The following B3GAT2 variants were observed in gnomAD, a reference collection of about 807,000 sequenced individuals.
B3GAT2 encodes the protein beta-1,3-glucuronyltransferase 2, also known as galactosylgalactosylxylosylprotein 3-beta-glucuronosyltransferase 2.
In B3GAT2, 26 loss-of-function variants were observed where a neutral mutation model predicts 27.8. The ratio of observed to expected loss-of-function variants is 0.93; its 90% confidence interval spans 0.68 to 1.30. B3GAT2 has a LOEUF of 1.30. B3GAT2 is among the 50% of genes most tolerant of loss of function. The pLI, the probability that B3GAT2 is intolerant of heterozygous loss-of-function variation, is 0.00. For synonymous variants in B3GAT2, 218 were observed against 195.1 expected (o/e 1.12, Z -0.98); for missense variants, 458 against 459.0 (o/e 1.00, Z 0.02).
intron 2 of B3GAT2, among the ~76,000 whole-genome samples, chr6:70,893,251 C>A (rs562826599): frequency 6.6e-6 from 1 of 152,132 alleles, no homozygotes; most frequent in Non-Finnish European, 1.5e-5. Flanking sequence ...GAATTCTGAA[C>A]GCGGAGATCT....
chr6:70,947,590 T>C (rs900829946), intron 1 of B3GAT2, among the ~76,000 whole-genome samples: 1 of 151,538 alleles, frequency 6.6e-6, no homozygotes, highest in Non-Finnish European at 1.5e-5. Flanking sequence ...GAATAATCAA[T>C]AGCTTACCAA....
intron 1 of B3GAT2, among the ~76,000 whole-genome samples, chr6:70,902,633 TATATAC>T (rs1422245504): frequency 9.0e-5 from 13 of 144,200 alleles, no homozygotes; most frequent in African/African-American, 1.9e-4. Flanking sequence ...TATATATATA[TATATAC>T]ACACACACAC....
chr6:70,916,998 G>T (rs1340589354), intron 1 of B3GAT2, among the ~76,000 whole-genome samples: 1 of 152,088 alleles, frequency 6.6e-6, no homozygotes, highest in Non-Finnish European at 1.5e-5. Context: ...TGTGCCCCTG[G>T]TAGAATTTGG....
At chr6:70,895,198 C>A (rs904071960) in intron 1 of B3GAT2, among the ~76,000 whole-genome samples, 9 of 152,152 alleles carry the variant, frequency 5.9e-5, no homozygotes, top group Non-Finnish European at 1.2e-4. Context: ...CGAGGTATAA[C>A]CTGCACAACT....
intron 2 of B3GAT2, among the ~76,000 whole-genome samples, chr6:70,888,759 A>G (rs543385334): frequency 8.6e-4 from 131 of 152,156 alleles, no homozygotes; most frequent in African/African-American, 3.0e-3. Context: ...TGCCCTTCCC[A>G]AGAGCTACAC....
chr6:70,895,296 A>G (rs1215862879), intron 1 of B3GAT2, among the ~76,000 whole-genome samples: 1 of 152,184 alleles, frequency 6.6e-6, no homozygotes, highest in Non-Finnish European at 1.5e-5. Flanking sequence ...CTGGGTCATA[A>G]TCAGTTAACC....
intron 2 of B3GAT2, among the ~76,000 whole-genome samples, chr6:70,893,761 T>C (rs1326556473): frequency 5.3e-5 from 8 of 152,076 alleles, no homozygotes; most frequent in Non-Finnish European, 1.2e-4. Flanking sequence ...ATCAGTCTTC[T>C]AGAAAAGGGA....
At chr6:70,939,359 A>G (rs879821425) in intron 1 of B3GAT2, among the ~76,000 whole-genome samples, 4 of 148,034 alleles carry the variant, frequency 2.7e-5, no homozygotes, top group Admixed American at 2.0e-4. Context: ...GGGATCTAGA[A>G]CTAGAAATAC....
chr6:70,865,328 G>A (rs1275767878), intron 2 of B3GAT2, among the ~76,000 whole-genome samples: 1 of 152,108 alleles, frequency 6.6e-6, no homozygotes, highest in Non-Finnish European at 1.5e-5. Flanking sequence ...ATGTCGGCCA[G>A]GCTGGTCTTG....
intron 1 of B3GAT2, among the ~76,000 whole-genome samples, chr6:70,938,363 A>G (rs1161072474): frequency 6.7e-6 from 1 of 149,938 alleles, no homozygotes; most frequent in Non-Finnish European, 1.5e-5. Flanking sequence ...CATCCCCATC[A>G]AGCTACCAAT....
At position 70,860,286 on chromosome 6, in the gene B3GAT2, G is replaced by T; in HGVS notation, c.*1377C>A. ...AGCCCTCCAGCACAACAGCAGGATG[G>T]TCTGGAAGCTCATCAGGTCAGACTC... On this transcript the variant is annotated 3_prime_UTR_variant, in exon 4 of 4. Transcript: ENST00000230053. 1 of 1,613,724 alleles carries T rather than the reference G, an allele frequency of 6.2e-7. No homozygotes were observed. Among genetic ancestry groups the T allele is most frequent in the Non-Finnish European group, 8.5e-7 (1 of 1,179,824 alleles).
At chr6:70,911,428 T>C (rs956162617) in intron 1 of B3GAT2, among the ~76,000 whole-genome samples, 5 of 152,182 alleles carry the variant, frequency 3.3e-5, no homozygotes, top group African/African-American at 1.2e-4. Context: ...ATTGTTTGTT[T>C]TTGTCAATTT....
intron 2 of B3GAT2, among the ~76,000 whole-genome samples, chr6:70,877,035 T>C (rs946831604): frequency 6.6e-6 from 1 of 152,196 alleles, no homozygotes; most frequent in African/African-American, 2.4e-5. Context: ...GGCTGTCAAG[T>C]TGCTTGTGCC....
At chr6:70,907,688 A>G (rs768078402) in intron 1 of B3GAT2, among the ~76,000 whole-genome samples, 6 of 152,130 alleles carry the variant, frequency 3.9e-5, no homozygotes, top group Non-Finnish European at 5.9e-5. Flanking sequence ...AAAACAATCT[A>G]TGTGATCCAC....
chr6:70,956,153 C>G lies in B3GAT2; in HGVS notation c.277G>C (p.Val93Leu). ...AGGCGGGTCAGCTCCGCTTTCTGCA[C>G]CGGGCGGCTGTAGGTGGGCGTGATG... ...YAITPTYSRP[V>L]QKAELTRLAN... The change falls in exon 1 of 4, where the codon GTG becomes CTG. Residue 93 changes from valine (V) to leucine (L), a missense_variant. Transcript: ENST00000230053. 1.2e-6 allele frequency: 2 copies of G among 1,607,088 alleles called. No homozygotes were observed. Among genetic ancestry groups the G allele is most frequent in the South Asian group, 2.2e-5 (2 of 90,002 alleles).
chr6:70,886,781 C>T (rs1772194342), intron 2 of B3GAT2, among the ~76,000 whole-genome samples: 1 of 152,170 alleles, frequency 6.6e-6, no homozygotes, highest in South Asian at 2.1e-4. Flanking sequence ...GGCATCAAAT[C>T]CCTGCAAGTC....
intron 1 of B3GAT2, among the ~76,000 whole-genome samples, chr6:70,944,122 G>T (rs56174573): frequency 0.13 from 19,562 of 152,096 alleles, 2,397 homozygotes; most frequent in African/African-American, 0.32. Flanking sequence ...GAACAGCTCC[G>T]GTCTACAGCT....
chr6:70,880,183 G>A (rs1772079819), intron 2 of B3GAT2, among the ~76,000 whole-genome samples: 1 of 152,098 alleles, frequency 6.6e-6, no homozygotes. Flanking sequence ...CAGGGCAGCC[G>A]CATACCTGTA....
At chr6:70,869,631 C>T (rs1771903217) in intron 2 of B3GAT2, among the ~76,000 whole-genome samples, 1 of 152,106 alleles carries the variant, frequency 6.6e-6, no homozygotes, top group Admixed American at 6.6e-5. Context: ...TACTTTATTA[C>T]TAAGCATTTT....
Sources: allele counts gnomAD v4.1 joint callset (sites outside exome capture counted in the v4.1 genomes callset), GRCh38; gene constraint gnomAD v4.1.1; transcripts MANE v1.5; gene names NCBI Gene and HGNC (gene_info 2026-07-23, HGNC 2026-07-21).